The following FAM200B variants were observed in gnomAD, a reference collection of about 807,000 sequenced individuals.
FAM200B encodes the protein protein FAM200B.
Under a neutral mutation model 33.1 loss-of-function variants are expected in FAM200B, and 32 were observed. The observed-to-expected ratio is 0.97, with a 90% confidence interval of 0.73 to 1.30. The LOEUF is 1.30. Among genes scored for constraint, FAM200B ranks in the 50% most tolerant of loss-of-function variants. The probability of loss-of-function intolerance (pLI) is 0.00; values close to 1 mark genes in which losing one functional copy is unlikely to be tolerated. For missense variants in FAM200B, 741 were observed against 754.0 expected (o/e 0.98, Z 0.20); for synonymous variants, 240 against 264.8 (o/e 0.91, Z 0.91).
At chr4:15,648,179 A>T in the FAM200B span, among the ~76,000 whole-genome samples, 3 of 152,206 alleles carry the variant, frequency 2.0e-5, no homozygotes, top group African/African-American at 7.2e-5. Context: ...TTAATAAGTT[A>T]ATATAAAGAA....
chr4:15,671,297 A>G, the FAM200B span, among the ~76,000 whole-genome samples: 1 of 152,082 alleles, frequency 6.6e-6, no homozygotes, highest in African/African-American at 2.4e-5. Flanking sequence ...CTGGCTTCTC[A>G]AATTGTTCCC....
At chr4:15,679,131 C>A (rs543577140), upstream of FAM200B, among the ~76,000 whole-genome samples, 12 of 147,394 alleles carry the variant, frequency 8.1e-5, no homozygotes, top group East Asian at 2.4e-3. Context: ...GGCGTGATCT[C>A]GGCTCACTGC....
In FAM200B at chr4:15,687,702, T is replaced by C. The variant is rs1719011478; in HGVS notation, c.725T>C (p.Leu242Ser). 6.4e-7 allele frequency: 1 copy of C among 1,551,268 alleles called. No individual in the cohort carries two copies. Among genetic ancestry groups the C allele is most frequent in the African/African-American group, 1.4e-5 (1 of 73,144 alleles). The change falls in exon 2 of 2, where the codon TTA becomes TCA. Residue 242 changes from leucine (L) to serine (S), a missense_variant. By Grantham distance (145) the Leu-to-Ser change is moderately radical. Coordinates refer to ENST00000422728, the MANE Select transcript of FAM200B (RefSeq NM_001145191.2). Reference sequence around the variant, plus strand: ...GATATTGGAAGCTGCACAACACTTTTAGTTTATGTCAGATATGCGTGGCAA... The same window carrying C: ...GATATTGGAAGCTGCACAACACTTTCAGTTTATGTCAGATATGCGTGGCAA... Reference protein sequence around the residue: ...STDIGSCTTLLVYVRYAWQDD... With the variant: ...STDIGSCTTLSVYVRYAWQDD...
chr4:15,655,463 C>A, the FAM200B span: 1 of 902,456 alleles, frequency 1.1e-6, no homozygotes, highest in Non-Finnish European at 1.3e-6. Flanking sequence ...CCATGCGATC[C>A]CTGCGGCCCA....
the FAM200B span, among the ~76,000 whole-genome samples, chr4:15,647,512 C>T: frequency 6.6e-6 from 1 of 152,144 alleles, no homozygotes; most frequent in Non-Finnish European, 1.5e-5. Flanking sequence ...AATGCCCTAA[C>T]ATGAGTTAAG....
chr4:15,688,932 G>A lies in FAM200B; in HGVS notation c.1955G>A (p.Arg652Lys). 6.7e-7 allele frequency: 1 copy of A among 1,502,822 alleles called. No individual in the cohort carries two copies. Among genetic ancestry groups the A allele is most frequent in the Admixed American group, 2.3e-5 (1 of 44,440 alleles). 93.1% of individuals were successfully genotyped at this position (1,502,822 alleles called of 1,614,324 possible). A position where few individuals can be genotyped will look rare whatever the true frequency, so the allele number is the denominator to read the frequency against. ...CVPDWNELMNRQAHPS is the reference protein window; with the variant it reads ...CVPDWNELMNKQAHPS ...CCAGACTGGAATGAACTTATGAACA[G>A]GCAAGCACACCCATCATAGTAAATA... The change falls in exon 2 of 2, where the codon AGG (arginine) becomes AAG (lysine). Residue 652 changes from arginine (R) to lysine (K), a missense_variant. Transcript: ENST00000422728.
At chr4:15,654,691 G>C in the FAM200B span, among the ~76,000 whole-genome samples, 7 of 152,236 alleles carry the variant, frequency 4.6e-5, no homozygotes, top group Admixed American at 1.3e-4. Context: ...AGACGCTGCA[G>C]TTCCAGCCAG....
chr4:15,687,615 CAA>C lies in FAM200B; in HGVS notation c.639_640del (p.Met214AlafsTer16), dbSNP rs1299245944. ...TGTACTATTGCAGAACATTTAGAAACAATGCTTATTACTCGTTTACAGTCTGG... is the reference window on the plus strand; with the variant it reads ...TGTACTATTGCAGAACATTTAGAAACTGCTTATTACTCGTTTACAGTCTGG... On this transcript the variant is annotated frameshift_variant, in exon 2 of 2. Transcript: ENST00000422728. LOFTEE classifies it high-confidence loss of function. The C allele has an allele frequency of 3.7e-5, 57 of 1,550,914 alleles. No homozygotes were observed. The highest frequency in any genetic ancestry group is 5.0e-5 in the Non-Finnish European group (57 of 1,146,688).
chr4:15,687,233 T>A lies in FAM200B; in HGVS notation c.256T>A (p.Cys86Ser), dbSNP rs1168615801. 1 of 1,542,494 alleles carries A rather than the reference T, an allele frequency of 6.5e-7. No homozygotes were observed. The highest frequency in any genetic ancestry group is 8.7e-7 in the Non-Finnish European group (1 of 1,143,926). The change falls in exon 2 of 2, where the codon TGT becomes AGT. Residue 86 changes from cysteine (C) to serine (S), a missense_variant. Cys to Ser is a moderately radical substitution (Grantham distance 112, BLOSUM62 -1). Coordinates refer to ENST00000422728, the MANE Select transcript of FAM200B (RefSeq NM_001145191.2). ...EKPFENDRPQ[C>S]VICNNILANE... ...ACCCTTTGAAAATGACAGACCTCAG[T>A]GTGTTATTTGTAATAATATTCTTGC...
At chr4:15,677,611 G>C (rs993530248), upstream of FAM200B, among the ~76,000 whole-genome samples, 2 of 152,162 alleles carry the variant, frequency 1.3e-5, no homozygotes, top group African/African-American at 4.8e-5. Flanking sequence ...GGAAGCTCAA[G>C]GGGCTTCCAA....
the FAM200B span, among the ~76,000 whole-genome samples, chr4:15,643,809 C>T: frequency 2.0e-5 from 3 of 152,308 alleles, no homozygotes; most frequent in African/African-American, 2.4e-5. Flanking sequence ...AACTGGATAG[C>T]TTTCCTTTAA....
chr4:15,666,724 C>T, the FAM200B span, among the ~76,000 whole-genome samples: 1 of 151,834 alleles, frequency 6.6e-6, no homozygotes, highest in African/African-American at 2.4e-5. Flanking sequence ...TCCATCTACT[C>T]GGGAGGCTGA....
chr4:15,637,112 T>C, the FAM200B span, among the ~76,000 whole-genome samples: 1 of 152,236 alleles, frequency 6.6e-6, no homozygotes, highest in Non-Finnish European at 1.5e-5. Flanking sequence ...TTTCCATTTA[T>C]GCATTATGAC....
intron 1 of FAM200B, among the ~76,000 whole-genome samples, chr4:15,685,768 G>A (rs1045219141): frequency 5.3e-5 from 8 of 152,196 alleles, no homozygotes; most frequent in Non-Finnish European, 7.3e-5. Flanking sequence ...ATGTAGGACT[G>A]CACCCCTCCC....
In FAM200B at chr4:15,688,725, T is replaced by G. The variant is rs1468900522; in HGVS notation, c.1748T>G (p.Phe583Cys). 4.5e-5 allele frequency: 70 copies of G among 1,550,530 alleles called. No individual in the cohort carries two copies. Among genetic ancestry groups the G allele is most frequent in the Non-Finnish European group, 6.0e-5 (69 of 1,146,218 alleles). Residue 583 changes from phenylalanine to cysteine, a missense_variant, in exon 2 of 2, where the codon TTT becomes TGT. Transcript: ENST00000422728. The stretch of plus-strand genomic sequence containing the variant: ...TATGAAACCTTAAGTTTATCAGCAT[T>G]TTGGATGAAGGTAAAGGAAGACTTT... Reference protein sequence around the residue: ...NDYETLSLSAFWMKVKEDFPL... With the variant: ...NDYETLSLSACWMKVKEDFPL...
At chr4:15,649,594 A>AG in the FAM200B span, among the ~76,000 whole-genome samples, 207 of 150,710 alleles carry the variant, frequency 1.4e-3, 1 homozygote, top group African/African-American at 4.8e-3. Context: ...AAAAAAAAAA[A>AG]AAAGAAAGAA....
rs1719248884 is a variant in FAM200B, at chr4:15,689,972, G to A, written c.*1021G>A. The A allele has an allele frequency of 6.0e-6, 1 of 166,950 alleles. No individual in the cohort carries two copies. Among genetic ancestry groups the A allele is most frequent in the Non-Finnish European group, 1.5e-5 (1 of 68,100 alleles). The allele number at this position is 166,950 out of a possible 1,614,324, so 10.3% of individuals were successfully genotyped here. A position where few individuals can be genotyped will look rare whatever the true frequency, so the allele number is the denominator to read the frequency against. On this transcript the variant is annotated 3_prime_UTR_variant, in exon 2 of 2. Transcript: ENST00000422728. ...ACTGTTATTCTTCCATAGTAGGGGA[G>A]GTGATATCCATTTGCCTGATACATA... is the stretch of plus-strand genomic sequence containing the variant.
At position 15,689,979 on chromosome 4, in the gene FAM200B, T is replaced by C. The variant is rs562360350; in HGVS notation, c.*1028T>C. On this transcript the variant is annotated 3_prime_UTR_variant, in exon 2 of 2. Coordinates refer to ENST00000422728, the MANE Select transcript of FAM200B (RefSeq NM_001145191.2). The stretch of plus-strand genomic sequence containing the variant: ...TTCTTCCATAGTAGGGGAGGTGATA[T>C]CCATTTGCCTGATACATAGTATGTG... 3.6e-5 allele frequency: 6 copies of C among 167,230 alleles called. No individual in the cohort carries two copies. The Admixed American group carries it at 3.9e-4, about 11-fold the overall frequency. 10.4% of individuals were successfully genotyped at this position (167,230 alleles called of 1,614,324 possible).
upstream of FAM200B, among the ~76,000 whole-genome samples, chr4:15,676,674 A>G (rs1407799306): frequency 1.3e-5 from 2 of 151,348 alleles, no homozygotes; most frequent in Non-Finnish European, 2.9e-5. Context: ...GAGTGTGTGT[A>G]TATGTGAATG....
Sources: gnomAD v4.1 joint callset for allele counts (sites outside exome capture counted in the v4.1 genomes callset) on GRCh38, gnomAD v4.1.1 for gene constraint, MANE v1.5 for transcripts, NCBI Gene and HGNC (gene_info 2026-07-23, HGNC 2026-07-21) for gene names.